The following IL6R variants were observed in gnomAD, a reference collection of about 807,000 sequenced individuals.
IL6R encodes interleukin-6 receptor subunit alpha.
A neutral mutation model predicts 48.3 loss-of-function variants in IL6R; 38 were observed. That is an observed-to-expected ratio of 0.79 (90% CI 0.61 to 1.03). The LOEUF (loss-of-function observed/expected upper bound fraction) is 1.03, where lower values mean the gene tolerates loss of function less well. Ranked by LOEUF, IL6R falls within the 50% of genes least tolerant of loss-of-function variation. The pLI, the probability that IL6R is intolerant of heterozygous loss-of-function variation, is 0.00. For synonymous variants in IL6R, 264 were observed against 256.2 expected (o/e 1.03, Z -0.29); for missense variants, 534 against 618.3 (o/e 0.86, Z 1.45).
intron 1 of IL6R, among the ~76,000 whole-genome samples, chr1:154,420,280 C>T (rs1045592657): frequency 3.3e-5 from 5 of 152,120 alleles, no homozygotes; most frequent in Middle Eastern, 3.4e-3. Context: ...AATGATTGGG[C>T]GCCATGGGAT....
At chr1:154,436,396 T>C (rs1239719534) in intron 6 of IL6R, among the ~76,000 whole-genome samples, 3 of 152,214 alleles carry the variant, frequency 2.0e-5, no homozygotes, top group African/African-American at 7.2e-5. Context: ...GAGAATCTCT[T>C]GAACCCAGGA....
chr1:154,427,868 G>C (rs1386925762), intron 1 of IL6R, among the ~76,000 whole-genome samples: 1 of 152,226 alleles, frequency 6.6e-6, no homozygotes, highest in Non-Finnish European at 1.5e-5. Context: ...AACAAGAAGG[G>C]ATTTGCAGGC....
intron 1 of IL6R, chr1:154,414,853 A>G (rs892186252): frequency 1.6e-5 from 12 of 761,324 alleles, no homozygotes; most frequent in Middle Eastern, 3.0e-4. Flanking sequence ...GAGCTGGTGC[A>G]TGTAGGCTGA....
chr1:154,436,517 A>G (rs951994647), intron 6 of IL6R, among the ~76,000 whole-genome samples: 5 of 152,210 alleles, frequency 3.3e-5, no homozygotes, highest in Non-Finnish European at 1.5e-5. Context: ...ACCATCATTT[A>G]TCGGCTTGAA....
At chr1:154,425,274 TCA>T (rs1410333465) in intron 1 of IL6R, among the ~76,000 whole-genome samples, 7 of 152,136 alleles carry the variant, frequency 4.6e-5, no homozygotes, top group Admixed American at 3.3e-4. Context: ...AGGACACAGG[TCA>T]CACACGCCAA....
intron 1 of IL6R, among the ~76,000 whole-genome samples, chr1:154,412,859 G>A (rs1688107956): frequency 6.6e-6 from 1 of 152,044 alleles, no homozygotes; most frequent in Non-Finnish European, 1.5e-5. Context: ...CTGAGATAGG[G>A]TTGGAACTTG....
At chr1:154,456,659 G>A (rs1306392661) in intron 9 of IL6R, among the ~76,000 whole-genome samples, 1 of 152,208 alleles carries the variant, frequency 6.6e-6, no homozygotes, top group Non-Finnish European at 1.5e-5. Context: ...GGAAACACCT[G>A]AGGATAGACA....
intron 8 of IL6R, among the ~76,000 whole-genome samples, chr1:154,451,533 C>T (rs1690580100): frequency 1.3e-5 from 2 of 152,060 alleles, no homozygotes; most frequent in Admixed American, 6.6e-5. Flanking sequence ...AACAAAACAA[C>T]AACAACAAAA....
intron 1 of IL6R, among the ~76,000 whole-genome samples, chr1:154,411,886 A>T (rs1553303364): frequency 6.6e-6 from 1 of 151,962 alleles, no homozygotes; most frequent in Non-Finnish European, 1.5e-5. Context: ...CAACAACAAA[A>T]GTATAAAATA....
intron 1 of IL6R, among the ~76,000 whole-genome samples, chr1:154,422,430 T>A (rs1189477283): frequency 5.3e-5 from 8 of 152,228 alleles, no homozygotes; most frequent in Non-Finnish European, 1.2e-4. Flanking sequence ...TTGGCCTGTA[T>A]TACAGATAGT....
At position 154,466,740 on chromosome 1, in the gene IL6R, T is replaced by TG; in HGVS notation, c.*1366dup. 1 of 168,090 alleles carries TG rather than the reference T, an allele frequency of 5.9e-6. No homozygotes were observed. The highest frequency in any genetic ancestry group is 1.3e-5 in the Non-Finnish European group (1 of 78,154). The allele number at this position is 168,090 out of a possible 1,614,324, so 10.4% of individuals were successfully genotyped here. A position where few individuals can be genotyped will look rare whatever the true frequency, so the allele number is the denominator to read the frequency against. On this transcript the variant is annotated 3_prime_UTR_variant, in exon 10 of 10. Transcript: ENST00000368485. ...GAGTGTGCCTGAAGTCCCAGATACT[T>TG]GGGGGGCTGAGGTGGGAGGATCTCT...
rs1690300508 is a variant in IL6R at position 154,447,457 on chromosome 1, ATAT to A, written c.950-667_950-665del. Among the ~76,000 whole-genome samples the A allele has an allele frequency of 7.4e-5, 6 of 81,628 alleles. 1 individual carries two copies. Among genetic ancestry groups the A allele is most frequent in the Admixed American group, 4.4e-4 (3 of 6,866 alleles). 53.6% of individuals were successfully genotyped at this position (81,628 alleles called of 152,430 possible). A position where few individuals can be genotyped will look rare whatever the true frequency, so the allele number is the denominator to read the frequency against. ...CCATCTCAAAAAAAAAAAAAAAAATATATATATATATATATATATACACACACA... is the reference window on the plus strand; with the variant it reads ...CCATCTCAAAAAAAAAAAAAAAAATAATATATATATATATATACACACACA... On this transcript the variant is annotated intron_variant, in intron 6 of 9. Transcript: ENST00000368485.
intron 9 of IL6R, among the ~76,000 whole-genome samples, chr1:154,461,490 C>T (rs928120840): frequency 6.6e-6 from 1 of 152,234 alleles, no homozygotes; most frequent in Non-Finnish European, 1.5e-5. Flanking sequence ...GAGGGTTCAC[C>T]TCTTGCCTTC....
At chr1:154,423,641 A>G (rs1401230505) in intron 1 of IL6R, among the ~76,000 whole-genome samples, 2 of 152,176 alleles carry the variant, frequency 1.3e-5, no homozygotes, top group African/African-American at 4.8e-5. Flanking sequence ...CGTAGTTAAC[A>G]CAGTGTTGTT....
intron 9 of IL6R, among the ~76,000 whole-genome samples, chr1:154,458,549 G>T (rs183996182): frequency 6.6e-6 from 1 of 152,210 alleles, no homozygotes; most frequent in East Asian, 1.9e-4. Flanking sequence ...GAGTAGAGTA[G>T]ATATGATATA....
At chr1:154,445,612 T>C (rs6683206) in intron 6 of IL6R, among the ~76,000 whole-genome samples, 90,758 of 151,624 alleles carry the variant, frequency 0.6, 27,568 homozygotes, top group African/African-American at 0.66. Context: ...TAGGCGGGTG[T>C]GGTGGTGGGC....
rs148397116 is a variant in IL6R, at chr1:154,418,149, C to T, written c.86-11047C>T. 5.9e-3 allele frequency among the ~76,000 whole-genome samples: 899 copies of T among 152,332 alleles called. 13 individuals carry two copies. The highest frequency in any genetic ancestry group is 0.02 in the African/African-American group (848 of 41,576). ...CCTCCCAAAGTGCTGAGATTACAGGCGTGAGCTGCCGCACATGGCCTTAGA... is the reference window on the plus strand; with the variant it reads ...CCTCCCAAAGTGCTGAGATTACAGGTGTGAGCTGCCGCACATGGCCTTAGA... On this transcript the variant is annotated intron_variant, in intron 1 of 9. Transcript: ENST00000368485.
chr1:154,446,381 G>A (rs142998569), intron 6 of IL6R, among the ~76,000 whole-genome samples: 264 of 152,242 alleles, frequency 1.7e-3, no homozygotes, highest in South Asian at 4.1e-3. Context: ...CATACTCCAG[G>A]AATTCTGGAA....
intron 6 of IL6R, among the ~76,000 whole-genome samples, chr1:154,447,801 G>A (rs1235130791): frequency 2.6e-5 from 4 of 151,520 alleles, no homozygotes; most frequent in Admixed American, 1.3e-4. Context: ...TGCAACCTCC[G>A]CCTCCCGGGT....
Sources: allele counts gnomAD v4.1 joint callset (sites outside exome capture counted in the v4.1 genomes callset), GRCh38; gene constraint gnomAD v4.1.1; transcripts MANE v1.5; gene names NCBI Gene and HGNC (gene_info 2026-07-23, HGNC 2026-07-21).